The following CAPN13 variants were observed in gnomAD, a reference collection of about 807,000 sequenced individuals.
CAPN13 encodes calpain 13, also known as calpain-13.
In CAPN13, 90 loss-of-function variants were observed where a neutral mutation model predicts 98.4. That is an observed-to-expected ratio of 0.92 (90% CI 0.77 to 1.09). CAPN13 has a LOEUF of 1.09. Among genes scored for constraint, CAPN13 ranks in the 50% least tolerant of loss-of-function variants. The pLI is 0.00. For missense variants in CAPN13, 887 were observed against 841.3 expected, an observed-to-expected ratio of 1.05 and a Z score of -0.67; for synonymous variants, 330 against 305.5, an observed-to-expected ratio of 1.08 and a Z score of -0.84.
chr2:30,760,732 T>C (rs1672809760), intron 7 of CAPN13, among the ~76,000 whole-genome samples: 1 of 152,196 alleles, frequency 6.6e-6, no homozygotes, highest in South Asian at 2.1e-4. Context: ...CGTGAGCCCT[T>C]GTGTCCCTCC....
intron 1 of CAPN13, among the ~76,000 whole-genome samples, chr2:30,791,760 T>C (rs530062998): frequency 1.2e-4 from 19 of 152,336 alleles, no homozygotes; most frequent in African/African-American, 3.8e-4. Flanking sequence ...AATGGGAACA[T>C]GATACTTTGT....
chr2:30,749,064 A>G (rs1426234654), intron 11 of CAPN13, among the ~76,000 whole-genome samples: 1 of 152,164 alleles, frequency 6.6e-6, no homozygotes, highest in African/African-American at 2.4e-5. Flanking sequence ...TGCATAGGTC[A>G]TTCCTCTCTG....
intron 4 of CAPN13, 38 bp from the exon 5 acceptor site, chr2:30,770,487 G>C: frequency 6.2e-7 from 1 of 1,603,268 alleles, no homozygotes; most frequent in Non-Finnish European, 8.5e-7. Flanking sequence ...ACAGAGTTGA[G>C]GCAGAAGGGA....
intron 3 of CAPN13, among the ~76,000 whole-genome samples, chr2:30,776,619 C>A (rs1347331330): frequency 1.3e-5 from 2 of 152,192 alleles, no homozygotes; most frequent in Non-Finnish European, 2.9e-5. Context: ...GTTAGCTCAG[C>A]CCGTCCCTGT....
chr2:30,732,270 G>A (rs960065962), intron 20 of CAPN13, among the ~76,000 whole-genome samples, 168 bp downstream of exon 20: 3 of 152,172 alleles, frequency 2.0e-5, no homozygotes, highest in Admixed American at 2.0e-4. Flanking sequence ...GGTGCGGAGG[G>A]AGCTGGTCAC....
rs748744544 is a variant in CAPN13, at chr2:30,751,213, GCA to G, written c.1124_1125del (p.Val375AlafsTer64). The G allele has an allele frequency of 1.1e-5, 17 of 1,613,834 alleles. No homozygotes were observed. In the East Asian group the frequency reaches 3.8e-4, roughly 36 times the overall value. On this transcript the variant is annotated frameshift_variant, in exon 11 of 23. Coordinates refer to ENST00000295055, the MANE Select transcript of CAPN13 (RefSeq NM_144575.3). LOFTEE classifies it high-confidence loss of function. ...PRNDAQFNFS[V>X]QEPMEGTNVV... is the part of the protein sequence containing the mutation. The stretch of plus-strand genomic sequence containing the variant: ...ACATTGGTGCCTTCCATTGGCTCTT[GCA>G]CAGAGAAGTTGAATTGAGCATCATT...
At chr2:30,738,126 G>A in intron 17 of CAPN13, 109 bp downstream of exon 17, 2 of 1,155,142 alleles carry the variant, frequency 1.7e-6, no homozygotes, top group South Asian at 2.6e-5. Context: ...GGGAAGAAGA[G>A]AAAATACTGA....
intron 7 of CAPN13, among the ~76,000 whole-genome samples, chr2:30,759,614 G>A (rs1166058468): frequency 6.6e-6 from 1 of 152,206 alleles, no homozygotes; most frequent in Non-Finnish European, 1.5e-5. Context: ...GCCGCAGGTG[G>A]ACGCAGGGCT....
At chr2:30,743,223 T>TC (rs1341513964) in intron 13 of CAPN13, 160 bp downstream of exon 13, 1 of 690,144 alleles carries the variant, frequency 1.4e-6, no homozygotes, top group East Asian at 2.5e-5. Context: ...ACTTTCTCGC[T>TC]CCCCCTTTAT....
At chr2:30,798,511 C>G (rs558505873) in intron 1 of CAPN13, among the ~76,000 whole-genome samples, 26 of 152,342 alleles carry the variant, frequency 1.7e-4, no homozygotes, top group African/African-American at 6.3e-4. Context: ...ACAGGTTGCT[C>G]TGGTGTCCCT....
chr2:30,805,808 T>G (rs934630648), intron 1 of CAPN13, among the ~76,000 whole-genome samples: 1 of 147,352 alleles, frequency 6.8e-6, no homozygotes, highest in East Asian at 2.0e-4. Flanking sequence ...GGCATGATCA[T>G]AGCTCACTGA....
At chr2:30,727,336 ACT>A (rs1318221629) in intron 22 of CAPN13, among the ~76,000 whole-genome samples, 2 of 152,176 alleles carry the variant, frequency 1.3e-5, no homozygotes, top group African/African-American at 2.4e-5. Flanking sequence ...AAAATTAAAG[ACT>A]CATATGCTAC....
chr2:30,762,965 A>T, intron 7 of CAPN13, 117 bp downstream of exon 7: 1 of 794,762 alleles, frequency 1.3e-6, no homozygotes, highest in Non-Finnish European at 2.0e-6. Flanking sequence ...GGCAAGGGCG[A>T]TATATCCTCA....
chr2:30,758,745 T>C, intron 7 of CAPN13, among the ~76,000 whole-genome samples: 1 of 147,022 alleles, frequency 6.8e-6, no homozygotes, highest in African/African-American at 2.5e-5. Context: ...ATCCTGAACT[T>C]CCCTCCCTCC....
At chr2:30,781,300 T>C (rs750398439) in intron 2 of CAPN13, among the ~76,000 whole-genome samples, 1 of 152,226 alleles carries the variant, frequency 6.6e-6, no homozygotes, top group Non-Finnish European at 1.5e-5. Flanking sequence ...ACTTTATGTT[T>C]TCAGATCCTG....
intron 7 of CAPN13, among the ~76,000 whole-genome samples, chr2:30,760,534 C>T (rs1229791391): frequency 3.9e-5 from 6 of 152,174 alleles, no homozygotes; most frequent in African/African-American, 1.4e-4. Context: ...CCAGGGGAAT[C>T]GCCGACTGAG....
chr2:30,779,380 A>T (rs1277653744), intron 2 of CAPN13, among the ~76,000 whole-genome samples: 1 of 152,218 alleles, frequency 6.6e-6, no homozygotes, highest in African/African-American at 2.4e-5. Context: ...AAATGTAAAG[A>T]CAGTTGAGAG....
intron 22 of CAPN13, among the ~76,000 whole-genome samples, chr2:30,728,886 G>A (rs912371976): frequency 6.6e-6 from 1 of 152,134 alleles, no homozygotes; most frequent in African/African-American, 2.4e-5. Flanking sequence ...CAGGGAGAGT[G>A]GGAAGTGAGA....
At chr2:30,803,415 C>G (rs1473014638) in intron 1 of CAPN13, among the ~76,000 whole-genome samples, 1 of 152,192 alleles carries the variant, frequency 6.6e-6, no homozygotes, top group Non-Finnish European at 1.5e-5. Flanking sequence ...CTGGTCAGAC[C>G]TGGTCCACAG....
Sources: allele counts gnomAD v4.1 joint callset (sites outside exome capture counted in the v4.1 genomes callset), GRCh38; gene constraint gnomAD v4.1.1; transcripts MANE v1.5; gene names NCBI Gene and HGNC (gene_info 2026-07-23, HGNC 2026-07-21).